The following SYT1 variants were observed in gnomAD, a reference collection of about 807,000 sequenced individuals.
SYT1 encodes the protein synaptotagmin 1, also known as synaptotagmin-1.
In SYT1, 8 loss-of-function variants were observed where a neutral mutation model predicts 44.8. The observed-to-expected ratio is 0.18, with a 90% CI of 0.10 to 0.32. SYT1 has a LOEUF of 0.32. Among genes scored for constraint, SYT1 ranks in the 10% least tolerant of loss-of-function variants. The pLI, the probability that SYT1 is intolerant of heterozygous loss-of-function variation, is 1.00. For synonymous variants in SYT1, 154 were observed against 188.8 expected, an observed-to-expected ratio of 0.82 and a Z score of 1.51; for missense variants, 286 against 509.3, an observed-to-expected ratio of 0.56 and a Z score of 4.22.
intron 3 of SYT1, among the ~76,000 whole-genome samples, chr12:79,120,028 A>G (rs1291717019): frequency 6.6e-6 from 1 of 152,078 alleles, no homozygotes; most frequent in Non-Finnish European, 1.5e-5. Context: ...CAAGCTTAAC[A>G]TTTGCATGCG....
At chr12:79,183,067 A>T (rs545777893) in intron 3 of SYT1, among the ~76,000 whole-genome samples, 104 of 152,212 alleles carry the variant, frequency 6.8e-4, no homozygotes, top group African/African-American at 2.5e-3. Context: ...TGCCTAAGTC[A>T]GCAAATGTTT....
chr12:79,050,753 G>A (rs567123325), intron 3 of SYT1, among the ~76,000 whole-genome samples: 1 of 152,012 alleles, frequency 6.6e-6, no homozygotes, highest in Non-Finnish European at 1.5e-5. Context: ...AAAACATCTT[G>A]TGGCTCATTA....
At chr12:79,010,796 T>C (rs1228279769) in intron 2 of SYT1, among the ~76,000 whole-genome samples, 1 of 152,200 alleles carries the variant, frequency 6.6e-6, no homozygotes, top group East Asian at 1.9e-4. Context: ...TTTCTATCTG[T>C]ATTTTCATTA....
intron 9 of SYT1, among the ~76,000 whole-genome samples, chr12:79,359,847 C>G (rs142728259): frequency 1.3e-4 from 20 of 152,260 alleles, no homozygotes; most frequent in African/African-American, 4.8e-4. Context: ...GAGCAACTCA[C>G]CCAACCTCAG....
chr12:79,105,201 C>T (rs1355114533), intron 3 of SYT1, among the ~76,000 whole-genome samples: 2 of 152,150 alleles, frequency 1.3e-5, no homozygotes, highest in Non-Finnish European at 2.9e-5. Flanking sequence ...ACCACATTAT[C>T]TATTTTTTCG....
chr12:79,162,871 A>G (rs766105977), intron 3 of SYT1, among the ~76,000 whole-genome samples: 5 of 152,100 alleles, frequency 3.3e-5, no homozygotes, highest in Non-Finnish European at 5.9e-5. Context: ...TCTAGATTTC[A>G]GGCAGAGTTT....
intron 3 of SYT1, among the ~76,000 whole-genome samples, chr12:79,181,913 C>A (rs1872572010): frequency 6.6e-6 from 1 of 152,074 alleles, no homozygotes; most frequent in Non-Finnish European, 1.5e-5. Context: ...CAACCCCACC[C>A]CTACCTCATC....
chr12:79,422,085 A>C (rs1385483371), intron 9 of SYT1, among the ~76,000 whole-genome samples: 1 of 151,968 alleles, frequency 6.6e-6, no homozygotes, highest in Non-Finnish European at 1.5e-5. Flanking sequence ...ATTTGCAGCC[A>C]TGTTTATTTT....
At chr12:79,178,824 C>T (rs1344243358) in intron 3 of SYT1, among the ~76,000 whole-genome samples, 2 of 149,610 alleles carry the variant, frequency 1.3e-5, no homozygotes, top group African/African-American at 4.9e-5. Context: ...ATAGCCCAGG[C>T]TGGAGTGCGA....
At chr12:79,338,922 G>A (rs1054395108) in intron 8 of SYT1, among the ~76,000 whole-genome samples, 54 of 151,916 alleles carry the variant, frequency 3.6e-4, no homozygotes, top group African/African-American at 1.3e-3. Context: ...TGCAGTGTTT[G>A]TTTTTCTGTC....
In SYT1 at chr12:79,450,607, C is replaced by G. The variant is rs1211240288; in HGVS notation, c.*1483C>G. 6.6e-6 allele frequency: 1 copy of G among 152,554 alleles called. No individual in the cohort carries two copies. The highest frequency in any genetic ancestry group is 2.4e-5 in the African/African-American group (1 of 41,410). The allele number at this position is 152,554 out of a possible 1,614,324, so 9.5% of individuals were successfully genotyped here. A position where few individuals can be genotyped will look rare whatever the true frequency, so the allele number is the denominator to read the frequency against. On this transcript the variant is annotated 3_prime_UTR_variant, in exon 11 of 11. Transcript: ENST00000261205. ...CTGTGACTGCCGTGTGTGCTTAGAC[C>G]CGTAGTTTCCTCAGTGGATAGCACT...
chr12:78,890,905 A>G (rs1168362536), intron 1 of SYT1, among the ~76,000 whole-genome samples: 3 of 151,880 alleles, frequency 2.0e-5, no homozygotes, highest in Admixed American at 2.0e-4. Flanking sequence ...CTGAATTACA[A>G]CTATGCAATA....
chr12:79,368,030 A>G (rs925636273), intron 9 of SYT1, among the ~76,000 whole-genome samples: 5 of 147,170 alleles, frequency 3.4e-5, no homozygotes, highest in Non-Finnish European at 7.5e-5. Flanking sequence ...CATTAGGTAT[A>G]TCTCCTAAAG....
chr12:78,874,422 T>C (rs1873963614), intron 1 of SYT1, among the ~76,000 whole-genome samples: 4 of 151,478 alleles, frequency 2.6e-5, no homozygotes, highest in Admixed American at 2.6e-4. Context: ...ATGAGCATGA[T>C]GGCAATAGGA....
intron 3 of SYT1, among the ~76,000 whole-genome samples, chr12:79,217,090 A>T (rs1874853447): frequency 6.6e-6 from 1 of 152,184 alleles, no homozygotes; most frequent in Admixed American, 6.5e-5. Context: ...TCCAATACAA[A>T]TATTTTATCT....
At chr12:79,225,196 C>A (rs187412930) in intron 4 of SYT1, among the ~76,000 whole-genome samples, 1 of 150,880 alleles carries the variant, frequency 6.6e-6, no homozygotes, top group South Asian at 2.1e-4. Context: ...TGCAATAATC[C>A]GGATGAGAGA....
chr12:79,296,237 G>A lies in SYT1; in HGVS notation c.642+1G>A, dbSNP rs775950057. The A allele has an allele frequency of 6.2e-7, 1 of 1,610,606 alleles. No individual in the cohort carries two copies. On this transcript the variant is annotated splice_donor_variant, in intron 7 of 10. Transcript: ENST00000261205. LOFTEE classifies it high-confidence loss of function. ...CTTCAATGAGCAATTTACTTTCAAG[G>A]TATTTGTTAACATTTATTTATAACC...
At chr12:79,006,368 T>A (rs1304922850) in intron 2 of SYT1, among the ~76,000 whole-genome samples, 9 of 152,068 alleles carry the variant, frequency 5.9e-5, no homozygotes, top group Non-Finnish European at 1.0e-4. Context: ...GTGGCTAGTA[T>A]GTAAGAAGTG....
intron 8 of SYT1, among the ~76,000 whole-genome samples, chr12:79,349,023 G>GAAAGAAAA (rs1882748967): frequency 1.2e-5 from 1 of 86,430 alleles, no homozygotes; most frequent in African/African-American, 4.3e-5. Context: ...AAGAAAGAAA[G>GAAAGAAAA]AAAGAAAGAA....
Sources: gnomAD v4.1 joint callset for allele counts (sites outside exome capture counted in the v4.1 genomes callset) on GRCh38, gnomAD v4.1.1 for gene constraint, MANE v1.5 for transcripts, NCBI Gene and HGNC (gene_info 2026-07-23, HGNC 2026-07-21) for gene names.